WFDC9: variants seen among roughly 807,000 people sequenced by gnomAD.
WFDC9 encodes the protein protein WFDC9.
Under a neutral mutation model 9.5 loss-of-function variants are expected in WFDC9, and 9 were observed. The ratio of observed to expected loss-of-function variants is 0.95; its 90% CI spans 0.57 to 1.65. The LOEUF is 1.65. Ranked by LOEUF, WFDC9 falls within the 40% of genes most tolerant of loss-of-function variation. The probability of loss-of-function intolerance (pLI) is 0.00; values close to 1 mark genes in which losing one functional copy is unlikely to be tolerated. For synonymous variants in WFDC9, 33 were observed against 32.3 expected (o/e 1.02, Z -0.07); for missense variants, 87 against 106.7 (o/e 0.82, Z 0.81).
intron 1 of WFDC9, among the ~76,000 whole-genome samples, chr20:45,630,350 G>A (rs1487325): frequency 0.15 from 22,912 of 151,880 alleles, 1,991 homozygotes; most frequent in East Asian, 0.32. Flanking sequence ...ACAGAGCCAA[G>A]TTAAGGTTAT....
chr20:45,630,997 T>A (rs762149200), intron 1 of WFDC9: 1 of 1,604,042 alleles, frequency 6.2e-7, no homozygotes, highest in Admixed American at 1.7e-5. Context: ...ACTGTGGGAA[T>A]GTTTGCATGA....
chr20:45,624,791 T>C (rs1982180328), intron 1 of WFDC9, among the ~76,000 whole-genome samples: 1 of 152,222 alleles, frequency 6.6e-6, no homozygotes, highest in African/African-American at 2.4e-5. Flanking sequence ...GATACCTCAT[T>C]ATAGTTCTCA....
chr20:45,619,591 C>G (rs560527669), intron 1 of WFDC9, among the ~76,000 whole-genome samples: 6 of 151,990 alleles, frequency 3.9e-5, no homozygotes, highest in Non-Finnish European at 8.8e-5. Flanking sequence ...ACAAAGAGAA[C>G]AGATAAAAGT....
chr20:45,619,742 C>T (rs1982052558), intron 1 of WFDC9, among the ~76,000 whole-genome samples: 1 of 152,088 alleles, frequency 6.6e-6, no homozygotes, highest in Non-Finnish European at 1.5e-5. Flanking sequence ...AAAAATAGCA[C>T]AGCTGGGCGT....
chr20:45,624,782 A>T (rs1419338447), intron 1 of WFDC9, among the ~76,000 whole-genome samples: 2 of 152,202 alleles, frequency 1.3e-5, no homozygotes, highest in African/African-American at 4.8e-5. Flanking sequence ...GAGTGAGGTG[A>T]TACCTCATTA....
At chr20:45,625,228 A>G (rs1055407236) in intron 1 of WFDC9, among the ~76,000 whole-genome samples, 4 of 151,898 alleles carry the variant, frequency 2.6e-5, no homozygotes, top group Admixed American at 6.6e-5. Flanking sequence ...ATCATATCTC[A>G]TGACAACTCC....
intron 1 of WFDC9, chr20:45,629,707 G>C: frequency 7.2e-7 from 1 of 1,385,968 alleles, no homozygotes; most frequent in Non-Finnish European, 9.9e-7. Flanking sequence ...AGGCAGTGAG[G>C]AGCTAAAGAT....
At chr20:45,628,096 T>G (rs148428831) in intron 1 of WFDC9, among the ~76,000 whole-genome samples, 297 of 152,304 alleles carry the variant, frequency 2.0e-3, no homozygotes, top group African/African-American at 6.8e-3. Flanking sequence ...ATCTTTCCCC[T>G]TATAAATGTC....
chr20:45,613,610 A>C (rs915123364), intron 2 of WFDC9, among the ~76,000 whole-genome samples: 39 of 152,192 alleles, frequency 2.6e-4, no homozygotes, highest in African/African-American at 8.9e-4. Flanking sequence ...CAGGTTCTTA[A>C]TGGAGAAGCT....
At chr20:45,617,860 A>G (rs971086447) in intron 1 of WFDC9, among the ~76,000 whole-genome samples, 1 of 152,208 alleles carries the variant, frequency 6.6e-6, no homozygotes, top group Non-Finnish European at 1.5e-5. Context: ...TGTATGCTAT[A>G]TGTATTTTGT....
In WFDC9 at chr20:45,629,540, T is replaced by C. The variant is rs1600925826; in HGVS notation, c.-153+1663A>G. 1.3e-5 allele frequency: 4 copies of C among 301,116 alleles called. No homozygotes were observed. The East Asian group carries it at 2.2e-4, about 17-fold the overall frequency. The allele number at this position is 301,116 out of a possible 1,614,324, so 18.7% of individuals were successfully genotyped here. On this transcript the variant is annotated intron_variant, in intron 1 of 4. Coordinates refer to ENST00000326000, the MANE Select transcript of WFDC9 (RefSeq NM_147198.4). ...TTTGTAATTAGAAAGCAGAAATAAA[T>C]GATATCTTTCATTCTATCGGCAAGA...
rs747203239 is a variant in WFDC9 at position 45,610,148 on chromosome 20, T to C, written c.34A>G (p.Ile12Val). 4 of 1,614,126 alleles carry C rather than the reference T, an allele frequency of 2.5e-6. No homozygotes were observed. Among genetic ancestry groups the C allele is most frequent in the South Asian group, 1.1e-5 (1 of 91,074 alleles). The change falls in exon 3 of 5, where the codon ATC (isoleucine) becomes GTC (valine). Residue 12 changes from isoleucine to valine, a missense_variant. By Grantham distance (29) the Ile-to-Val change is conservative (BLOSUM62 3). Transcript: ENST00000326000. ...GGCAGAAGCATCACAACTCCAGAGA[T>C]GAACATGACGAGTAGAAGAATCCAG... ...KPWILLLVMFISGVVMLLPVL... is the reference protein window; with the variant it reads ...KPWILLLVMFVSGVVMLLPVL...
chr20:45,620,210 T>C (rs1228380300), intron 1 of WFDC9, among the ~76,000 whole-genome samples: 1 of 152,210 alleles, frequency 6.6e-6, no homozygotes, highest in Non-Finnish European at 1.5e-5. Flanking sequence ...ATTTTCTATT[T>C]TCCTGCATTT....
chr20:45,614,244 G>T (rs1180006664), intron 2 of WFDC9, among the ~76,000 whole-genome samples: 1 of 152,122 alleles, frequency 6.6e-6, no homozygotes, highest in African/African-American at 2.4e-5. Context: ...ACATCATTAT[G>T]CCCAGGCTGG....
intron 2 of WFDC9, among the ~76,000 whole-genome samples, chr20:45,613,818 A>T (rs563383468): frequency 6.6e-6 from 1 of 152,326 alleles, no homozygotes; most frequent in African/African-American, 2.4e-5. Context: ...TTATGTGAAT[A>T]TACCAGCACA....
At chr20:45,625,295 G>A (rs115255941) in intron 1 of WFDC9, among the ~76,000 whole-genome samples, 178 of 152,246 alleles carry the variant, frequency 1.2e-3, no homozygotes, top group African/African-American at 4.0e-3. Flanking sequence ...ATCACCTCCT[G>A]CCAGGTCCCT....
chr20:45,610,562 C>T (rs1981838646), intron 2 of WFDC9, among the ~76,000 whole-genome samples: 1 of 152,102 alleles, frequency 6.6e-6, no homozygotes, highest in African/African-American at 2.4e-5. Context: ...CAATATATGT[C>T]TATACTTTTA....
intron 4 of WFDC9, 117 bp downstream of exon 4, chr20:45,608,546 T>C: frequency 7.7e-7 from 1 of 1,296,108 alleles, no homozygotes; most frequent in East Asian, 2.3e-5. Flanking sequence ...GAGGACATTG[T>C]CTTTTGCTGC....
At chr20:45,623,518 T>A (rs1982146712) in intron 1 of WFDC9, among the ~76,000 whole-genome samples, 1 of 151,750 alleles carries the variant, frequency 6.6e-6, no homozygotes, top group South Asian at 2.1e-4. Flanking sequence ...TCCCAGCTAC[T>A]CAGGAGGTTG....
Sources: gnomAD v4.1 joint callset for allele counts (sites outside exome capture counted in the v4.1 genomes callset) on GRCh38, gnomAD v4.1.1 for gene constraint, MANE v1.5 for transcripts, NCBI Gene and HGNC (gene_info 2026-07-23, HGNC 2026-07-21) for gene names.